The following SEM1 variants were observed in gnomAD, a reference collection of about 807,000 sequenced individuals.
SEM1 encodes the protein SEM1 26S proteasome subunit, also known as 26S proteasome complex subunit SEM1.
Under a neutral mutation model 12.7 loss-of-function variants are expected in SEM1, and 3 were observed. That is an observed-to-expected ratio of 0.24 (90% CI 0.11 to 0.61). The LOEUF (loss-of-function observed/expected upper bound fraction) is 0.61. SEM1 is among the 20% of genes least tolerant of loss of function. The pLI is 0.88. For missense variants in SEM1, 59 were observed against 81.3 expected, an observed-to-expected ratio of 0.73 and a Z score of 1.06; for synonymous variants, 30 against 27.8, an observed-to-expected ratio of 1.08 and a Z score of -0.25.
downstream of SEM1, among the ~76,000 whole-genome samples, chr7:96,686,831 T>A (rs144319761): frequency 1.6e-3 from 237 of 152,206 alleles, 4 homozygotes; most frequent in East Asian, 0.039. Context: ...CAAAACAAAC[T>A]ACCATCACAG....
At chr7:96,542,845 G>A (rs895477206) in intron 2 of SEM1, among the ~76,000 whole-genome samples, 2 of 151,676 alleles carry the variant, frequency 1.3e-5, no homozygotes, top group African/African-American at 4.8e-5. Context: ...ATTTAAGTTA[G>A]GTCAATTCAT....
At chr7:96,636,174 A>G (rs1242330222) in intron 2 of SEM1, among the ~76,000 whole-genome samples, 2 of 152,060 alleles carry the variant, frequency 1.3e-5, no homozygotes, top group African/African-American at 2.4e-5. Context: ...AAGGTGTGCA[A>G]TATAAGAATG....
At chr7:96,608,907 A>C (rs1807463271) in intron 2 of SEM1, among the ~76,000 whole-genome samples, 1 of 152,198 alleles carries the variant, frequency 6.6e-6, no homozygotes. Context: ...TTGTGTGTAC[A>C]AATGTTTTCA....
chr7:96,613,870 C>A (rs527622735), intron 2 of SEM1, among the ~76,000 whole-genome samples: 2 of 152,222 alleles, frequency 1.3e-5, no homozygotes, highest in African/African-American at 4.8e-5. Flanking sequence ...CCACAAATGA[C>A]AGACTTTCCT....
At chr7:96,509,811 A>G (rs529197907) in intron 2 of SEM1, among the ~76,000 whole-genome samples, 2 of 152,160 alleles carry the variant, frequency 1.3e-5, no homozygotes, top group Non-Finnish European at 2.9e-5. Context: ...CAAATATTGT[A>G]TGATTCCATT....
At chr7:96,582,951 G>GT (rs1232452399) in intron 2 of SEM1, among the ~76,000 whole-genome samples, 1 of 151,836 alleles carries the variant, frequency 6.6e-6, no homozygotes, top group South Asian at 2.1e-4. Flanking sequence ...TTTTTGAAGG[G>GT]TTTTTTGTGT....
chr7:96,567,845 T>C (rs963300007), intron 2 of SEM1, among the ~76,000 whole-genome samples: 1 of 151,666 alleles, frequency 6.6e-6, no homozygotes, highest in East Asian at 1.9e-4. Context: ...TGTATTCTTT[T>C]AAAGCAATGT....
intron 2 of SEM1, among the ~76,000 whole-genome samples, chr7:96,577,022 C>T (rs1806227350): frequency 6.6e-6 from 1 of 151,916 alleles, no homozygotes; most frequent in Non-Finnish European, 1.5e-5. Flanking sequence ...GAGGCTGAGG[C>T]AGGAGGATCG....
At chr7:96,517,108 A>C (rs1402898193) in intron 2 of SEM1, among the ~76,000 whole-genome samples, 2 of 152,156 alleles carry the variant, frequency 1.3e-5, no homozygotes, top group Non-Finnish European at 2.9e-5. Flanking sequence ...GAGAACTTTT[A>C]GGGAAGTGAA....
chr7:96,489,708 C>T (rs1033170157), intron 1 of SEM1, among the ~76,000 whole-genome samples: 1 of 152,116 alleles, frequency 6.6e-6, no homozygotes, highest in Admixed American at 6.6e-5. Context: ...TCAAAGGCTC[C>T]TGGGAGGGGG....
intron 2 of SEM1, among the ~76,000 whole-genome samples, chr7:96,578,537 T>C (rs919250980): frequency 6.6e-6 from 1 of 152,062 alleles, no homozygotes; most frequent in Non-Finnish European, 1.5e-5. Flanking sequence ...AACTAAAAGA[T>C]CTATTTTCTT....
At chr7:96,484,059 C>G (rs1802654018) in intron 3 of SEM1, 1 of 1,327,860 alleles carries the variant, frequency 7.5e-7, no homozygotes, top group Admixed American at 2.8e-5. Flanking sequence ...TTAACTTATT[C>G]AATCTTCACA....
chr7:96,569,948 G>A (rs138632817), intron 2 of SEM1, among the ~76,000 whole-genome samples: 2 of 152,080 alleles, frequency 1.3e-5, no homozygotes, highest in African/African-American at 4.8e-5. Context: ...GGAAACTTAG[G>A]TTGATTCTTT....
chr7:96,542,079 T>A (rs1314295257), intron 2 of SEM1, among the ~76,000 whole-genome samples: 1 of 151,430 alleles, frequency 6.6e-6, no homozygotes, highest in Non-Finnish European at 1.5e-5. Flanking sequence ...ATTTGGGCTC[T>A]TTTTTTGGGG....
chr7:96,689,027 C>A, intron 2 of SEM1, 61 bp from the exon 3 acceptor site: 4 of 1,011,834 alleles, frequency 4.0e-6, no homozygotes, highest in African/African-American at 1.6e-5. Flanking sequence ...CTTTTAGAAA[C>A]AATACAATAA....
intron 2 of SEM1, among the ~76,000 whole-genome samples, chr7:96,635,187 T>A (rs907365953): frequency 2.0e-5 from 3 of 152,146 alleles, no homozygotes; most frequent in African/African-American, 7.2e-5. Context: ...TTCCTAGTTA[T>A]GGTCTAAAAG....
chr7:96,488,259 G>A (rs1458433554), intron 1 of SEM1, among the ~76,000 whole-genome samples: 5 of 152,112 alleles, frequency 3.3e-5, no homozygotes, highest in Admixed American at 2.0e-4. Flanking sequence ...GGCACTGGGT[G>A]CATGGGATGA....
intron 1 of SEM1, among the ~76,000 whole-genome samples, chr7:96,700,263 T>C (rs1790230583): frequency 6.6e-6 from 1 of 152,158 alleles, no homozygotes. Context: ...TAGAGAAACA[T>C]GTCCTAGAAT....
At chr7:96,602,377 TG>T (rs1227649870) in intron 2 of SEM1, among the ~76,000 whole-genome samples, 3 of 152,332 alleles carry the variant, frequency 2.0e-5, no homozygotes, top group South Asian at 2.1e-4. Context: ...CATCAGCAGC[TG>T]GGGCTGAATA....
Sources: gnomAD v4.1 joint callset for allele counts (sites outside exome capture counted in the v4.1 genomes callset) on GRCh38, gnomAD v4.1.1 for gene constraint, MANE v1.5 for transcripts, NCBI Gene and HGNC (gene_info 2026-07-23, HGNC 2026-07-21) for gene names.